Variants in ZNF226 observed in about 807,000 individuals in gnomAD.
The protein encoded by ZNF226 is Kruppel-associated box protein.
A neutral mutation model predicts 11.4 loss-of-function variants in ZNF226; 6 were observed. That is an observed-to-expected ratio of 0.53 (90% CI 0.29 to 1.04). The LOEUF (loss-of-function observed/expected upper bound fraction) is 1.04. Among genes scored for constraint, ZNF226 ranks in the 50% least tolerant of loss-of-function variants. The pLI is 0.08. For missense variants in ZNF226, 1,058 were observed against 956.5 expected, an observed-to-expected ratio of 1.11 and a Z score of -1.40; for synonymous variants, 350 against 322.8, an observed-to-expected ratio of 1.08 and a Z score of -0.90.
Position 44,177,613 on chromosome 19 carries a change from A to C in ZNF226, c.2351A>C (p.Lys784Thr). 6.2e-7 allele frequency: 1 copy of C among 1,613,676 alleles called. No individual in the cohort carries two copies. Among genetic ancestry groups the C allele is most frequent in the South Asian group, 1.1e-5 (1 of 91,004 alleles). The stretch of plus-strand genomic sequence containing the variant: ...ATCCATGTTGGTGATAAATCCTATA[A>C]AAGTAATAGGGGTGGTAAGAACATC... ...HRIHVGDKSY[K>T]SNRGGKNIRE... Residue 784 changes from lysine to threonine, a missense_variant, in exon 6 of 6, where the codon AAA becomes ACA. Lys to Thr is a moderately conservative substitution (Grantham distance 78, BLOSUM62 -1). Transcript: ENST00000337433.
In ZNF226 at chr19:44,172,738, T is replaced by A. The variant is rs187643674; in HGVS notation, c.143-122T>A. On this transcript the variant is annotated intron_variant, in intron 4 of 5. Coordinates refer to ENST00000337433, the MANE Select transcript of ZNF226 (RefSeq NM_001032373.2). ...TGGTGTTTCTTTACTGAAGTCACAA[T>A]TTAAATAAAAGTTTGAAAAACACTG... 101 of 747,868 alleles carry A rather than the reference T, an allele frequency of 1.4e-4. No homozygotes were observed. The African/African-American group carries it at 1.7e-3, about 12-fold the overall frequency. 46.3% of individuals were successfully genotyped at this position (747,868 alleles called of 1,614,324 possible).
At chr19:44,195,071 C>A in the ZNF226 span, among the ~76,000 whole-genome samples, 30 of 152,130 alleles carry the variant, frequency 2.0e-4, no homozygotes, top group African/African-American at 7.2e-4. Context: ...AAAATACATG[C>A]CTCACAGAAC....
chr19:44,176,250 G>A lies in ZNF226; in HGVS notation c.988G>A (p.Val330Met), dbSNP rs201221996. 55 of 1,614,008 alleles carry A rather than the reference G, an allele frequency of 3.4e-5. No individual in the cohort carries two copies. Among genetic ancestry groups the A allele is most frequent in the South Asian group, 1.1e-5 (1 of 91,086 alleles). ...AHLQTHQKVH[V>M]IEKPYKCKQC... ...TCTACAGACCCATCAGAAAGTCCAC[G>A]TGATAGAGAAACCATACAAATGTAA... The change falls in exon 6 of 6, where the codon GTG becomes ATG. Residue 330 changes from valine (V) to methionine (M), a missense_variant. Physicochemically the swap from Val to Met is conservative, Grantham distance 21. Transcript: ENST00000337433.
Position 44,177,456 on chromosome 19 carries a change from T to C in ZNF226, c.2194T>C (p.Cys732Arg). 6.2e-7 allele frequency: 1 copy of C among 1,614,196 alleles called. No homozygotes were observed. The highest frequency in any genetic ancestry group is 8.5e-7 in the Non-Finnish European group (1 of 1,180,028). The change falls in exon 6 of 6, where the codon TGT (cysteine) becomes CGT (arginine). Residue 732 changes from cysteine (C) to arginine (R), a missense_variant. Coordinates refer to ENST00000337433, the MANE Select transcript of ZNF226 (RefSeq NM_001032373.2). ...AGAGAAACCATACAAATGTGATGTG[T>C]GTGGTAAAGTCTTCAGTCGGTCTTC... Reference protein sequence around the residue: ...TGEKPYKCDVCGKVFSRSSQL... With the variant: ...TGEKPYKCDVRGKVFSRSSQL...
rs779473378 is a variant in ZNF226, at chr19:44,176,392, A to G, written c.1130A>G (p.His377Arg). The G allele has an allele frequency of 1.1e-5, 17 of 1,614,140 alleles. No individual in the cohort carries two copies. Among genetic ancestry groups the G allele is most frequent in the Non-Finnish European group, 1.4e-5 (16 of 1,180,012 alleles). Residue 377 changes from histidine to arginine, a missense_variant, in exon 6 of 6, where the codon CAT becomes CGT. Physicochemically the swap from His to Arg is conservative, Grantham distance 29. Transcript: ENST00000337433. Reference protein sequence around the residue: ...ECGRAFSQASHLQDHQRLHTG... With the variant: ...ECGRAFSQASRLQDHQRLHTG... ...GGGAGGGCCTTCAGTCAGGCCTCTC[A>G]TCTTCAGGACCATCAGAGACTCCAC...
At position 44,177,572 on chromosome 19, in the gene ZNF226, T is replaced by TAA. The variant is rs533806265; in HGVS notation, c.2311_2312insAA (p.Thr771LysfsTer33). 6.2e-7 allele frequency: 1 copy of TAA among 1,613,844 alleles called. No homozygotes were observed. Among genetic ancestry groups the TAA allele is most frequent in the Non-Finnish European group, 8.5e-7 (1 of 1,179,896 alleles). ...AGAGCTTCAGTTGGCGATCAAATCT[T>TAA]ACAGTTCATCACAGAATCCATGTTG... is the stretch of plus-strand genomic sequence containing the variant. On this transcript the variant is annotated frameshift_variant, in exon 6 of 6. Coordinates refer to ENST00000337433, the MANE Select transcript of ZNF226 (RefSeq NM_001032373.2). LOFTEE classifies it low-confidence loss of function (END_TRUNC).
chr19:44,171,834 T>C (rs1316797290), intron 3 of ZNF226, among the ~76,000 whole-genome samples: 2 of 152,184 alleles, frequency 1.3e-5, no homozygotes, highest in Non-Finnish European at 2.9e-5. Context: ...GGCAATGTTT[T>C]AGGTTCAGCA....
chr19:44,175,580 A>G lies in ZNF226; in HGVS notation c.318A>G (p.Gln106=), dbSNP rs1185380142. 2 of 1,612,982 alleles carry G rather than the reference A, an allele frequency of 1.2e-6. No homozygotes were observed. The highest frequency in any genetic ancestry group is 1.1e-5 in the South Asian group (1 of 90,750). ...TTTCTTGTTGGCAAATCTGGCAACAAATTGCAAATGACTTAACCAGGTGTC... is the reference window on the plus strand; with the variant it reads ...TTTCTTGTTGGCAAATCTGGCAACAGATTGCAAATGACTTAACCAGGTGTC... ...EELSCWQIWQ[Q]IANDLTRCQD... Residue 106 remains glutamine, a synonymous_variant, in exon 6 of 6, where the codon CAA becomes CAG. Coordinates refer to ENST00000337433, the MANE Select transcript of ZNF226 (RefSeq NM_001032373.2).
the ZNF226 span, among the ~76,000 whole-genome samples, chr19:44,197,394 A>G: frequency 2.0e-5 from 3 of 152,340 alleles, no homozygotes; most frequent in South Asian, 6.2e-4. Flanking sequence ...GTGTTGTCAG[A>G]CTTAAATTAT....
chr19:44,177,758 C>T (rs1037501133), downstream of ZNF226: 5 of 1,413,190 alleles, frequency 3.5e-6, no homozygotes, highest in Non-Finnish European at 3.8e-6. Context: ...CCTCATGTCC[C>T]AGTGGTCCAA....
At chr19:44,197,366 C>T in the ZNF226 span, among the ~76,000 whole-genome samples, 2 of 152,186 alleles carry the variant, frequency 1.3e-5, no homozygotes, top group Non-Finnish European at 2.9e-5. Flanking sequence ...ATCTGCTCCA[C>T]GTGCTTGCCA....
At chr19:44,175,289 T>C in intron 5 of ZNF226, 15 of 1,406,024 alleles carry the variant, frequency 1.1e-5, no homozygotes, top group Non-Finnish European at 1.2e-5. Context: ...CATTAGTGCT[T>C]AGCAATTGGG....
At chr19:44,185,289 C>G in the ZNF226 span, among the ~76,000 whole-genome samples, 1 of 152,122 alleles carries the variant, frequency 6.6e-6, no homozygotes, top group Non-Finnish European at 1.5e-5. Context: ...GCTGGATTAT[C>G]CAGTAATTCT....
downstream of ZNF226, among the ~76,000 whole-genome samples, chr19:44,181,860 C>G (rs1182928050): frequency 6.6e-6 from 1 of 152,114 alleles, no homozygotes; most frequent in African/African-American, 2.4e-5. Flanking sequence ...TTTTCTAGAC[C>G]AATAATGAAA....
intron 5 of ZNF226, chr19:44,173,250 G>A: frequency 1.3e-5 from 6 of 451,638 alleles, no homozygotes; most frequent in African/African-American, 1.0e-4. Context: ...CTTACACGGT[G>A]TGCTTTTCAT....
In ZNF226 at chr19:44,175,071, T is replaced by C; in HGVS notation, c.236-427T>C. The C allele has an allele frequency of 2.5e-6, 4 of 1,607,972 alleles. No homozygotes were observed. The Middle Eastern group carries it at 5.0e-4, about 200-fold the overall frequency. ...AGTTAGAAGAAATGTTGGAAGTCAT[T>C]TATATATGAAGAAATGTTGGAAGGA... On this transcript the variant is annotated intron_variant, in intron 5 of 5. Transcript: ENST00000337433.
At position 44,176,026 on chromosome 19, in the gene ZNF226, A is replaced by G. The variant is rs769276299; in HGVS notation, c.764A>G (p.Asn255Ser). ...ACAGGACAGAAATCGTACCAGTGTAATGAGTGTAAAAAACCCTTCAGTGAT... is the reference window on the plus strand; with the variant it reads ...ACAGGACAGAAATCGTACCAGTGTAGTGAGTGTAAAAAACCCTTCAGTGAT... Reference protein sequence around the residue: ...IHTGQKSYQCNECKKPFSDLS... With the variant: ...IHTGQKSYQCSECKKPFSDLS... The change falls in exon 6 of 6, where the codon AAT becomes AGT. Residue 255 changes from asparagine (N) to serine (S), a missense_variant. Asn to Ser is a conservative substitution (Grantham distance 46). Coordinates refer to ENST00000337433, the MANE Select transcript of ZNF226 (RefSeq NM_001032373.2). 1 of 1,614,018 alleles carries G rather than the reference A, an allele frequency of 6.2e-7. No individual in the cohort carries two copies. Among genetic ancestry groups the G allele is most frequent in the East Asian group, 2.2e-5 (1 of 44,888 alleles).
rs1311398072 is a variant in ZNF226, at chr19:44,177,588, A to C, written c.2326A>C (p.Ile776Leu). 3 of 1,613,886 alleles carry C rather than the reference A, an allele frequency of 1.9e-6. No homozygotes were observed. The highest frequency in any genetic ancestry group is 1.7e-5 in the Admixed American group (1 of 59,996). Residue 776 changes from isoleucine to leucine, a missense_variant, in exon 6 of 6, where the codon ATC (isoleucine) becomes CTC (leucine). By Grantham distance (5) the Ile-to-Leu change is conservative (BLOSUM62 2). Transcript: ENST00000337433. The stretch of plus-strand genomic sequence containing the variant: ...ATCAAATCTTACAGTTCATCACAGA[A>C]TCCATGTTGGTGATAAATCCTATAA... The part of the protein sequence containing the change: ...WRSNLTVHHR[I>L]HVGDKSYKSN...
chr19:44,175,836 A>G lies in ZNF226; in HGVS notation c.574A>G (p.Ile192Val). 1 of 1,613,672 alleles carries G rather than the reference A, an allele frequency of 6.2e-7. No individual in the cohort carries two copies. Among genetic ancestry groups the G allele is most frequent in the Non-Finnish European group, 8.5e-7 (1 of 1,179,790 alleles). Residue 192 changes from isoleucine (I) to valine (V), a missense_variant, in exon 6 of 6, where the codon ATA (isoleucine) becomes GTA (valine). By Grantham distance (29) the Ile-to-Val change is conservative. Transcript: ENST00000337433. ...QRLNRDQQISIKNKLCQCKKG... is the reference protein window; with the variant it reads ...QRLNRDQQISVKNKLCQCKKG... ...ATTGAACAGAGATCAGCAAATTTCCATAAAAAATAAATTATGTCAATGTAA... is the reference window on the plus strand; with the variant it reads ...ATTGAACAGAGATCAGCAAATTTCCGTAAAAAATAAATTATGTCAATGTAA...
Sources: gnomAD v4.1 joint callset for allele counts (sites outside exome capture counted in the v4.1 genomes callset) on GRCh38, gnomAD v4.1.1 for gene constraint, MANE v1.5 for transcripts, NCBI Gene and HGNC (gene_info 2026-07-23, HGNC 2026-07-21) for gene names.